TMEM229B: variants seen among roughly 807,000 people sequenced by gnomAD.
The protein encoded by TMEM229B is transmembrane protein 229B.
A neutral mutation model predicts 13.7 loss-of-function variants in TMEM229B; 6 were observed. That is an observed-to-expected ratio of 0.44 (90% CI 0.24 to 0.86). TMEM229B has a LOEUF of 0.86. Among genes scored for constraint, TMEM229B ranks in the 40% least tolerant of loss-of-function variants. TMEM229B has a pLI of 0.23. For synonymous variants in TMEM229B, 107 were observed against 102.1 expected (o/e 1.05, Z -0.29); for missense variants, 170 against 236.0 (o/e 0.72, Z 1.83).
At chr14:67,483,210 C>T (rs965781834) in intron 2 of TMEM229B, among the ~76,000 whole-genome samples, 19 of 152,094 alleles carry the variant, frequency 1.2e-4, no homozygotes, top group African/African-American at 4.3e-4. Context: ...GAGGTTTCAC[C>T]ATGTTGGCCA....
chr14:67,488,338 G>T (rs185226040), intron 1 of TMEM229B, among the ~76,000 whole-genome samples, 170 bp downstream of exon 1: 2 of 152,256 alleles, frequency 1.3e-5, no homozygotes, highest in Admixed American at 6.5e-5. Flanking sequence ...AGGAGTGGGG[G>T]AACTGAAACT....
intron 1 of TMEM229B, among the ~76,000 whole-genome samples, chr14:67,505,982 G>A (rs566165563): frequency 8.4e-4 from 128 of 152,242 alleles, no homozygotes; most frequent in African/African-American, 2.9e-3. Flanking sequence ...TTACAGGTGT[G>A]AGCCACCTCA....
In TMEM229B at chr14:67,471,553, G is replaced by A. The variant is rs1158198871; in HGVS notation, c.*1867C>T. 1 of 152,166 alleles carries A rather than the reference G, an allele frequency of 6.6e-6. No homozygotes were observed. The highest frequency in any genetic ancestry group is 6.5e-5 in the Admixed American group (1 of 15,274). The allele number at this position is 152,166 out of a possible 1,614,324, so 9.4% of individuals were successfully genotyped here. On this transcript the variant is annotated 3_prime_UTR_variant, in exon 3 of 3. Coordinates refer to ENST00000554480, the MANE Select transcript of TMEM229B (RefSeq NM_001348543.2). ...CTGTAACCCCCAAAGCCCTGGAATTGGGGCCACAATAAAATCAAAAGGAGG... is the reference window on the plus strand; with the variant it reads ...CTGTAACCCCCAAAGCCCTGGAATTAGGGCCACAATAAAATCAAAAGGAGG...
upstream of TMEM229B, among the ~76,000 whole-genome samples, chr14:67,490,195 A>G (rs2032110878): frequency 6.6e-6 from 1 of 152,194 alleles, no homozygotes; most frequent in African/African-American, 2.4e-5. Context: ...ATAGGCCACC[A>G]TCACAGATGA....
At chr14:67,505,968 G>A (rs903834234) in intron 1 of TMEM229B, among the ~76,000 whole-genome samples, 3 of 152,090 alleles carry the variant, frequency 2.0e-5, no homozygotes, top group Non-Finnish European at 4.4e-5. Flanking sequence ...CCAAAGTGTT[G>A]GGATTACAGG....
rs1238316272 is a variant in TMEM229B, at chr14:67,473,054, C to A, written c.*366G>T. 2 of 249,232 alleles carry A rather than the reference C, an allele frequency of 8.0e-6. No individual in the cohort carries two copies. The highest frequency in any genetic ancestry group is 2.2e-5 in the African/African-American group (1 of 44,982). The allele number at this position is 249,232 out of a possible 1,614,324, so 15.4% of individuals were successfully genotyped here. On this transcript the variant is annotated 3_prime_UTR_variant, in exon 3 of 3. Transcript: ENST00000554480. This position sits in a 1 kb window ranked among gnomAD's most constrained non-coding sequence, Gnocchi z 6.5. The stretch of plus-strand genomic sequence containing the variant: ...CAGATCGGAGGGAGGGAGGTCAGGC[C>A]TTGCCTCCCACCTGCGGCCCCATTC...
At chr14:67,508,135 C>CAAAAAAAAAAA (rs34715322) in intron 1 of TMEM229B, among the ~76,000 whole-genome samples, 6 of 130,630 alleles carry the variant, frequency 4.6e-5, no homozygotes, top group African/African-American at 1.5e-4. Context: ...AACTCCATCT[C>CAAAAAAAAAAA]AAAAAAAAAA....
intron 2 of TMEM229B, among the ~76,000 whole-genome samples, chr14:67,474,742 A>G (rs1193388170): frequency 1.3e-5 from 2 of 152,138 alleles, no homozygotes; most frequent in Non-Finnish European, 2.9e-5. Flanking sequence ...GCCCCTGGCA[A>G]CCACTATTCT....
chr14:67,477,587 C>T (rs527464342), intron 2 of TMEM229B, among the ~76,000 whole-genome samples: 64 of 152,278 alleles, frequency 4.2e-4, no homozygotes, highest in Admixed American at 7.2e-4. Context: ...CTTCCCTAGA[C>T]AGCTCCCCCT....
chr14:67,507,802 G>A (rs762065836), intron 1 of TMEM229B, among the ~76,000 whole-genome samples: 89 of 152,134 alleles, frequency 5.9e-4, no homozygotes, highest in Non-Finnish European at 9.6e-4. Context: ...GTATAAGGGT[G>A]TACAGACACC....
intron 2 of TMEM229B, among the ~76,000 whole-genome samples, chr14:67,486,274 T>TTTTTG (rs2031873532): frequency 1.3e-5 from 2 of 152,130 alleles, no homozygotes; most frequent in Non-Finnish European, 2.9e-5. Flanking sequence ...ATCTGATGGG[T>TTTTTG]TTTTGTTTTG....
intron 1 of TMEM229B, among the ~76,000 whole-genome samples, chr14:67,524,121 C>A (rs2033331869): frequency 1.3e-5 from 2 of 152,188 alleles, no homozygotes. Flanking sequence ...TACTCTCTCA[C>A]AACCTTGGGC....
At chr14:67,505,997 G>A (rs527306298) in intron 1 of TMEM229B, among the ~76,000 whole-genome samples, 37 of 152,226 alleles carry the variant, frequency 2.4e-4, no homozygotes, top group African/African-American at 8.7e-4. Context: ...ACCTCACCTG[G>A]CTGATAATTT....
intron 1 of TMEM229B, among the ~76,000 whole-genome samples, chr14:67,521,467 T>C (rs2033290075): frequency 6.6e-6 from 1 of 152,182 alleles, no homozygotes. Context: ...TATGTCCATG[T>C]GGGAAAGGGG....
upstream of TMEM229B, among the ~76,000 whole-genome samples, chr14:67,489,354 C>T (rs2032059832): frequency 6.6e-6 from 1 of 152,238 alleles, no homozygotes; most frequent in Non-Finnish European, 1.5e-5. Context: ...CCTTAAGGCA[C>T]ATGTCTGCAT....
intron 1 of TMEM229B, among the ~76,000 whole-genome samples, chr14:67,506,782 G>A (rs1387013382): frequency 6.6e-6 from 1 of 152,128 alleles, no homozygotes; most frequent in Non-Finnish European, 1.5e-5. Context: ...TAAAGAGATC[G>A]AGACCATCCT....
At chr14:67,532,073 C>T (rs2033477307) in intron 1 of TMEM229B, among the ~76,000 whole-genome samples, 1 of 152,164 alleles carries the variant, frequency 6.6e-6, no homozygotes, top group South Asian at 2.1e-4. Flanking sequence ...TCCCCACGAG[C>T]TATAAAGCTG....
At chr14:67,501,916 C>T (rs1189770843) in intron 1 of TMEM229B, among the ~76,000 whole-genome samples, 1 of 152,180 alleles carries the variant, frequency 6.6e-6, no homozygotes, top group Non-Finnish European at 1.5e-5. Context: ...CTCTGTTAGA[C>T]CAAGTCAGAT....
intron 1 of TMEM229B, among the ~76,000 whole-genome samples, chr14:67,510,836 G>C (rs1042175265): frequency 1.3e-5 from 2 of 152,184 alleles, no homozygotes; most frequent in African/African-American, 4.8e-5. Context: ...GTCCCTGTCG[G>C]TGCTCTGAAG....
Sources: allele counts gnomAD v4.1 joint callset (sites outside exome capture counted in the v4.1 genomes callset), GRCh38; gene constraint gnomAD v4.1.1; non-coding constraint Gnocchi (gnomAD v3.1); transcripts MANE v1.5; gene names NCBI Gene and HGNC (gene_info 2026-07-23, HGNC 2026-07-21).